VEZT: variants seen among roughly 807,000 people sequenced by gnomAD.
VEZT encodes the protein vezatin, adherens junctions transmembrane protein.
VEZT carries 39 observed loss-of-function variants against 79.9 expected under a neutral mutation model. The ratio of observed to expected loss-of-function variants is 0.49; its 90% confidence interval spans 0.38 to 0.64. The LOEUF (loss-of-function observed/expected upper bound fraction) is 0.64. Ranked by LOEUF, VEZT falls within the 30% of genes least tolerant of loss-of-function variation. The pLI is 0.00. For missense variants in VEZT, 837 were observed against 893.1 expected (o/e 0.94, Z 0.80); for synonymous variants, 325 against 327.6 (o/e 0.99, Z 0.09).
At chr12:95,256,539 A>T (rs2063516272) in intron 2 of VEZT, 1 of 1,271,418 alleles carries the variant, frequency 7.9e-7, no homozygotes, top group South Asian at 1.3e-5. Flanking sequence ...TTTTCCCATG[A>T]CCCTTTGCAG....
At position 95,238,416 on chromosome 12, in the gene VEZT, G is replaced by A. The variant is rs149119253; in HGVS notation, c.37-13524G>A. ...GTTACTACATTGTTTTTCAGGCTTG[G>A]CTCTACTGTTTTCTAAAATATATAT... On this transcript the variant is annotated intron_variant, in intron 1 of 11. Transcript: ENST00000436874. 1.2e-3 allele frequency among the ~76,000 whole-genome samples: 178 copies of A among 152,168 alleles called. 2 individuals carry two copies. The highest frequency in any genetic ancestry group is 4.3e-3 in the African/African-American group (177 of 41,518).
chr12:95,218,928 A>C (rs897458751), intron 1 of VEZT, among the ~76,000 whole-genome samples: 4 of 152,146 alleles, frequency 2.6e-5, no homozygotes, highest in African/African-American at 9.7e-5. Context: ...GTGTGAAAGT[A>C]CCTGGTGTGC....
intron 8 of VEZT, among the ~76,000 whole-genome samples, chr12:95,284,716 A>G (rs1328711790): frequency 2.0e-5 from 3 of 152,172 alleles, no homozygotes; most frequent in African/African-American, 7.2e-5. Context: ...CATTAAAAGT[A>G]AGGGCGGGCC....
chr12:95,252,295 A>G (rs932875660), intron 2 of VEZT: 23 of 369,540 alleles, frequency 6.2e-5, no homozygotes, highest in African/African-American at 4.6e-4. Flanking sequence ...AGAGAATTAA[A>G]ATACATTACT....
chr12:95,300,296 G>GA lies in VEZT; in HGVS notation c.1964dup (p.Asp655GlufsTer3), dbSNP rs766400117. The GA allele has an allele frequency of 6.8e-6, 11 of 1,607,972 alleles. No homozygotes were observed. The highest frequency in any genetic ancestry group is 9.3e-6 in the Non-Finnish European group (11 of 1,176,972). On this transcript the variant is annotated frameshift_variant, in exon 12 of 12. Transcript: ENST00000436874. LOFTEE classifies it low-confidence loss of function (END_TRUNC). ...GGAAAGTAATAAATCCGCCACAACAGACAATGAAATAAGTAGGACTGAGTA... is the reference window on the plus strand; with the variant it reads ...GGAAAGTAATAAATCCGCCACAACAGAACAATGAAATAAGTAGGACTGAGTA...
intron 1 of VEZT, among the ~76,000 whole-genome samples, chr12:95,235,152 C>T (rs1209574211): frequency 1.3e-5 from 2 of 152,082 alleles, no homozygotes; most frequent in Admixed American, 6.5e-5. Context: ...CATCATGGCC[C>T]GTTCTCAACG....
chr12:95,233,464 A>G (rs1309185050), intron 1 of VEZT, among the ~76,000 whole-genome samples: 2 of 152,080 alleles, frequency 1.3e-5, no homozygotes, highest in Non-Finnish European at 1.5e-5. Context: ...CAGTGGCACA[A>G]TCTTGGCTCA....
At chr12:95,250,215 C>G (rs1369369101) in intron 1 of VEZT, among the ~76,000 whole-genome samples, 1 of 122,798 alleles carries the variant, frequency 8.1e-6, no homozygotes, top group Non-Finnish European at 1.7e-5. Context: ...TCCCTCCCCC[C>G]TCCCCCCACC....
Position 95,280,027 on chromosome 12 carries a change from A to G in VEZT, c.997-2286A>G, listed in dbSNP as rs572080319. 1.0e-3 allele frequency among the ~76,000 whole-genome samples: 156 copies of G among 152,292 alleles called. 1 individual carries two copies. The highest frequency in any genetic ancestry group is 3.4e-3 in the African/African-American group (143 of 41,552). On this transcript the variant is annotated intron_variant, in intron 7 of 11. Coordinates refer to ENST00000436874, the MANE Select transcript of VEZT (RefSeq NM_017599.4). ...AGATTGTGTTAGTTCTGCTTTCACA[A>G]TGTATCCAGAGTCCATCTGCTGCTC... is the stretch of plus-strand genomic sequence containing the variant.
At chr12:95,248,475 A>T (rs1462726507) in intron 1 of VEZT, among the ~76,000 whole-genome samples, 1 of 152,170 alleles carries the variant, frequency 6.6e-6, no homozygotes, top group Non-Finnish European at 1.5e-5. Flanking sequence ...ATCATTTTTT[A>T]AAAAACAATC....
At chr12:95,224,280 A>G (rs1391905007) in intron 1 of VEZT, 2 of 434,076 alleles carry the variant, frequency 4.6e-6, no homozygotes, top group Non-Finnish European at 9.1e-6. Context: ...TACGGCTACT[A>G]TTTGTTAGTG....
chr12:95,226,294 T>C (rs1261434717), intron 1 of VEZT, among the ~76,000 whole-genome samples: 1 of 152,036 alleles, frequency 6.6e-6, no homozygotes, highest in Non-Finnish European at 1.5e-5. Context: ...ACACAAGAGA[T>C]ACATTGGAAG....
chr12:95,237,500 T>C (rs10859856), intron 1 of VEZT, among the ~76,000 whole-genome samples: 73,116 of 151,848 alleles, frequency 0.48, 17,913 homozygotes, highest in African/African-American at 0.56. Flanking sequence ...CCTCCACTGA[T>C]ATCACCAAAC....
intron 7 of VEZT, among the ~76,000 whole-genome samples, chr12:95,279,065 C>T (rs1036252729): frequency 1.3e-5 from 2 of 152,068 alleles, no homozygotes; most frequent in Non-Finnish European, 2.9e-5. Flanking sequence ...AGCGAAACTC[C>T]GTCTCAACAT....
chr12:95,232,240 A>G (rs1156673366), intron 1 of VEZT, among the ~76,000 whole-genome samples: 4 of 152,232 alleles, frequency 2.6e-5, no homozygotes, highest in African/African-American at 9.6e-5. Context: ...AAATCCCTTT[A>G]GTTGCAGATA....
At chr12:95,256,121 G>A (rs564034231) in intron 2 of VEZT, among the ~76,000 whole-genome samples, 29 of 151,724 alleles carry the variant, frequency 1.9e-4, no homozygotes, top group South Asian at 1.9e-3. Context: ...GCGCGATCTC[G>A]GCTCACCACA....
At chr12:95,259,000 T>C (rs1008760051) in intron 3 of VEZT, among the ~76,000 whole-genome samples, 2 of 152,206 alleles carry the variant, frequency 1.3e-5, no homozygotes, top group East Asian at 1.9e-4. Flanking sequence ...CCTGGAAAGA[T>C]CTTTATCAAT....
In VEZT at chr12:95,217,857, C is replaced by A; in HGVS notation, c.7C>A (p.Pro3Thr). ...GGTGGCATGGCGGAGAAGGATGACA[C>A]CGGAGTTTGACGAAGAGGTGGTTTT... is the stretch of plus-strand genomic sequence containing the variant. MT[P>T]EFDEEVVFEN... The change falls in exon 1 of 12, where the codon CCG (proline) becomes ACG (threonine). Residue 3 changes from proline (P) to threonine (T), a missense_variant. Transcript: ENST00000436874. 2.0e-6 allele frequency: 3 copies of A among 1,536,626 alleles called. No individual in the cohort carries two copies. The highest frequency in any genetic ancestry group is 2.6e-6 in the Non-Finnish European group (3 of 1,146,944).
At chr12:95,225,076 G>A (rs1469718742) in intron 1 of VEZT, among the ~76,000 whole-genome samples, 1 of 152,198 alleles carries the variant, frequency 6.6e-6, no homozygotes, top group Non-Finnish European at 1.5e-5. Context: ...AACAGGCCAT[G>A]GACCGGTACC....
Sources: allele counts gnomAD v4.1 joint callset (sites outside exome capture counted in the v4.1 genomes callset), GRCh38; gene constraint gnomAD v4.1.1; transcripts MANE v1.5; gene names NCBI Gene and HGNC (gene_info 2026-07-23, HGNC 2026-07-21).